The following LRP1B variants were observed in gnomAD, a reference collection of about 807,000 sequenced individuals.
LRP1B encodes the protein LDL receptor related protein 1B, also known as low-density lipoprotein receptor-related protein 1B.
Under a neutral mutation model 556.6 loss-of-function variants are expected in LRP1B, and 217 were observed. The observed-to-expected ratio is 0.39, with a 90% CI of 0.35 to 0.44. The LOEUF (loss-of-function observed/expected upper bound fraction) is 0.44, where lower values mean the gene tolerates loss of function less well. Ranked by LOEUF, LRP1B falls within the 20% of genes least tolerant of loss-of-function variation. The pLI is 1.00. For missense variants in LRP1B, 5,053 were observed against 5,620.8 expected, an observed-to-expected ratio of 0.90 and a Z score of 3.23; for synonymous variants, 2,047 against 1,865.8, an observed-to-expected ratio of 1.10 and a Z score of -2.50.
At chr2:140,361,373 T>TATATAC (rs1305605972) in intron 72 of LRP1B, among the ~76,000 whole-genome samples, 2 of 129,062 alleles carry the variant, frequency 1.5e-5, no homozygotes, top group African/African-American at 5.9e-5. Context: ...TATATATATA[T>TATATAC]ATATATAACA....
At chr2:141,757,232 G>A (rs1694355624) in intron 2 of LRP1B, among the ~76,000 whole-genome samples, 1 of 151,882 alleles carries the variant, frequency 6.6e-6, no homozygotes, top group East Asian at 1.9e-4. Context: ...TCTTCTTATC[G>A]ATTTCAAATA....
intron 1 of LRP1B, among the ~76,000 whole-genome samples, chr2:141,927,903 C>CAAAAAAAAAAAA (rs5834879): frequency 1.8e-5 from 2 of 111,126 alleles, no homozygotes; most frequent in African/African-American, 6.8e-5. Flanking sequence ...CTTGGCTTTA[C>CAAAAAAAAAAAA]AAAAAAAAAA....
intron 21 of LRP1B, among the ~76,000 whole-genome samples, chr2:140,917,251 T>C (rs779435978): frequency 6.6e-6 from 1 of 152,144 alleles, no homozygotes; most frequent in Non-Finnish European, 1.5e-5. Flanking sequence ...AGTGAATGAA[T>C]ACAAAATGGT....
At chr2:140,940,672 TG>T (rs1272420946) in intron 20 of LRP1B, among the ~76,000 whole-genome samples, 3 of 152,176 alleles carry the variant, frequency 2.0e-5, no homozygotes, top group Non-Finnish European at 4.4e-5. Flanking sequence ...AGTCTATCAC[TG>T]ATGGGCATTT....
intron 84 of LRP1B, among the ~76,000 whole-genome samples, chr2:140,274,803 T>TAAGAG (rs3033315): frequency 0.94 from 142,453 of 151,732 alleles, 67,420 homozygotes; most frequent in Middle Eastern, 1. Context: ...TTCCTCTGGC[T>TAAGAG]AAGAGAGCTT....
At chr2:141,470,400 A>AT (rs1415096272) in intron 3 of LRP1B, among the ~76,000 whole-genome samples, 2 of 152,108 alleles carry the variant, frequency 1.3e-5, no homozygotes, top group African/African-American at 2.4e-5. Context: ...TGCTCAGCAC[A>AT]TTTTTTTCCT....
At chr2:141,880,954 G>A (rs1392699188) in intron 1 of LRP1B, among the ~76,000 whole-genome samples, 2 of 152,010 alleles carry the variant, frequency 1.3e-5, no homozygotes, top group African/African-American at 4.8e-5. Flanking sequence ...TAAAAACTTA[G>A]GAATATTAAA....
chr2:140,324,870 CT>C (rs36073920), intron 80 of LRP1B, among the ~76,000 whole-genome samples: 86,849 of 136,630 alleles, frequency 0.64, 27,514 homozygotes, highest in Non-Finnish European at 0.69. Context: ...GGGATCTGAA[CT>C]TTTTTTTTTT....
At chr2:141,940,496 ACTT>A (rs2105013338) in intron 1 of LRP1B, among the ~76,000 whole-genome samples, 1 of 152,296 alleles carries the variant, frequency 6.6e-6, no homozygotes, top group Admixed American at 6.5e-5. Flanking sequence ...GGTTGCTGTG[ACTT>A]CTTAATGAAA....
chr2:141,416,130 T>A (rs1260853166), intron 3 of LRP1B, among the ~76,000 whole-genome samples: 1 of 152,164 alleles, frequency 6.6e-6, no homozygotes, highest in African/African-American at 2.4e-5. Context: ...ATTTGATCAA[T>A]ATATGCAGTG....
chr2:141,589,174 A>G (rs756423644), intron 2 of LRP1B, among the ~76,000 whole-genome samples: 3 of 152,192 alleles, frequency 2.0e-5, no homozygotes, highest in Non-Finnish European at 4.4e-5. Flanking sequence ...CAAAAACAAC[A>G]TAACAGCTAA....
chr2:141,774,145 G>A (rs7590602), intron 2 of LRP1B, among the ~76,000 whole-genome samples: 45,821 of 151,896 alleles, frequency 0.3, 7,206 homozygotes, highest in African/African-American at 0.41. Flanking sequence ...CTTTGCTCAT[G>A]AGGATGAAAG....
At chr2:140,588,088 C>G (rs1263990399) in intron 43 of LRP1B, among the ~76,000 whole-genome samples, 2 of 151,928 alleles carry the variant, frequency 1.3e-5, no homozygotes, top group Non-Finnish European at 2.9e-5. Flanking sequence ...AAGGAATTTT[C>G]GAAAGCAATA....
intron 1 of LRP1B, among the ~76,000 whole-genome samples, chr2:141,835,110 G>A (rs1403563623): frequency 6.6e-6 from 1 of 152,002 alleles, no homozygotes; most frequent in Non-Finnish European, 1.5e-5. Flanking sequence ...TCTACATGAT[G>A]AGTCAAAGCA....
At position 141,738,498 on chromosome 2, in the gene LRP1B, CAAGT is replaced by C. The variant is rs144996247; in HGVS notation, c.205+71777_205+71780del. 9.6e-3 allele frequency among the ~76,000 whole-genome samples: 1,466 copies of C among 152,060 alleles called. 24 individuals carry two copies. The highest frequency in any genetic ancestry group is 0.034 in the African/African-American group (1,415 of 41,472). On this transcript the variant is annotated intron_variant, in intron 2 of 90. Transcript: ENST00000389484. Reference sequence around the variant, plus strand: ...TCGCTTTCTGTTGAACAGCATGCGACAAGTAAGTAGGATACATTGGCCCCGTGAT... The same window carrying C: ...TCGCTTTCTGTTGAACAGCATGCGACAAGTAGGATACATTGGCCCCGTGAT...
intron 41 of LRP1B, among the ~76,000 whole-genome samples, chr2:140,658,574 T>C (rs1207321415): frequency 2.0e-5 from 3 of 152,098 alleles, no homozygotes; most frequent in Non-Finnish European, 4.4e-5. Flanking sequence ...TTTCCCACCT[T>C]TAATTTATCC....
intron 2 of LRP1B, among the ~76,000 whole-genome samples, chr2:141,542,329 A>G (rs923712026): frequency 1.1e-4 from 17 of 152,004 alleles, no homozygotes; most frequent in African/African-American, 3.4e-4. Context: ...TAAGCTTTCT[A>G]TGATTTTTAA....
chr2:141,117,151 A>G (rs1451352093), intron 7 of LRP1B, among the ~76,000 whole-genome samples: 1 of 151,926 alleles, frequency 6.6e-6, no homozygotes, highest in Non-Finnish European at 1.5e-5. Flanking sequence ...CTCCATATCA[A>G]TATAACTGAA....
At chr2:141,636,433 A>G (rs1179622417) in intron 2 of LRP1B, among the ~76,000 whole-genome samples, 2 of 152,204 alleles carry the variant, frequency 1.3e-5, no homozygotes, top group African/African-American at 2.4e-5. Flanking sequence ...ATGTTCATTC[A>G]CAAGGTTGGA....
Sources: gnomAD v4.1 joint callset for allele counts (sites outside exome capture counted in the v4.1 genomes callset) on GRCh38, gnomAD v4.1.1 for gene constraint, MANE v1.5 for transcripts, NCBI Gene and HGNC (gene_info 2026-07-23, HGNC 2026-07-21) for gene names.